Variants in OTULIN observed in about 807,000 individuals in gnomAD.
OTULIN encodes ubiquitin thioesterase otulin.
A neutral mutation model predicts 39.6 loss-of-function variants in OTULIN; 15 were observed. The ratio of observed to expected loss-of-function variants is 0.38; its 90% confidence interval spans 0.25 to 0.58. OTULIN has a LOEUF of 0.58. Among genes scored for constraint, OTULIN ranks in the 20% least tolerant of loss-of-function variants. The probability of loss-of-function intolerance (pLI) is 0.66; values close to 1 mark genes in which losing one functional copy is unlikely to be tolerated. For missense variants in OTULIN, 319 were observed against 445.9 expected (o/e 0.72, Z 2.56); for synonymous variants, 156 against 170.3 (o/e 0.92, Z 0.65).
intron 4 of OTULIN, among the ~76,000 whole-genome samples, chr5:14,685,090 A>AG (rs1249425381): frequency 6.6e-6 from 1 of 152,192 alleles, no homozygotes; most frequent in Non-Finnish European, 1.5e-5. Context: ...GTTCCTGAGG[A>AG]GGGTACCCTT....
intron 6 of OTULIN, 132 bp from the exon 7 acceptor site, chr5:14,692,722 G>C: frequency 1.6e-6 from 1 of 644,424 alleles, no homozygotes; most frequent in Middle Eastern, 2.7e-4. Flanking sequence ...TTGGGGCTGG[G>C]CCCAAAGCAG....
rs1736750760 is a variant in OTULIN at position 14,699,399 on chromosome 5, C to T, written c.*6351C>T. The T allele has an allele frequency of 6.6e-6, 1 of 152,194 alleles. No individual in the cohort carries two copies. The highest frequency in any genetic ancestry group is 1.5e-5 in the Non-Finnish European group (1 of 68,064). 9.4% of individuals were successfully genotyped at this position (152,194 alleles called of 1,614,324 possible). A position where few individuals can be genotyped will look rare whatever the true frequency, so the allele number is the denominator to read the frequency against. On this transcript the variant is annotated 3_prime_UTR_variant, in exon 7 of 7. Transcript: ENST00000284274. ...TTCTGAAGAACCCAGTGGGTAGGTA[C>T]TGGGCATCCATTAGACGGCAGTGCT... is the stretch of plus-strand genomic sequence containing the variant.
chr5:14,665,881 G>C (rs1036950507), intron 1 of OTULIN, among the ~76,000 whole-genome samples: 2 of 152,192 alleles, frequency 1.3e-5, no homozygotes, highest in Admixed American at 6.5e-5. Flanking sequence ...CATTTGTTGA[G>C]AGCCCCCTTG....
At chr5:14,713,450 TG>T in the OTULIN span, 1 of 1,533,780 alleles carries the variant, frequency 6.5e-7, no homozygotes, top group African/African-American at 1.4e-5. The surrounding 1 kb of genome is among the most constrained non-coding windows in gnomAD (Gnocchi z 4.4). Flanking sequence ...TAGACGTGCC[TG>T]GGGATTTCCC....
downstream of OTULIN, among the ~76,000 whole-genome samples, chr5:14,701,409 AC>A (rs957867325): frequency 2.9e-4 from 44 of 151,646 alleles, no homozygotes; most frequent in African/African-American, 1.1e-3. Flanking sequence ...AGACTTTTGG[AC>A]CCCCTGCCCT....
In OTULIN at chr5:14,681,688, C is replaced by T. The variant is rs10214386; in HGVS notation, c.468+81C>T. ...AACTTTCCCTTTCTGTCCATGCTAC[C>T]TTCTAGTATCGTCTGCAGTATGATG... On this transcript the variant is annotated intron_variant, in intron 4 of 6. Coordinates refer to ENST00000284274, the MANE Select transcript of OTULIN (RefSeq NM_138348.6). 3.6e-3 allele frequency: 5,182 copies of T among 1,442,824 alleles called. 151 individuals are homozygous for T. The African/African-American group carries it at 0.066, about 18-fold the overall frequency. 89.4% of individuals were successfully genotyped at this position (1,442,824 alleles called of 1,614,324 possible).
At chr5:14,671,643 T>A (rs1735980049) in intron 1 of OTULIN, among the ~76,000 whole-genome samples, 1 of 152,218 alleles carries the variant, frequency 6.6e-6, no homozygotes, top group African/African-American at 2.4e-5. Context: ...GCTCTAAGGA[T>A]GACATCACAC....
chr5:14,670,487 C>G (rs1228398433), intron 1 of OTULIN, among the ~76,000 whole-genome samples: 1 of 152,152 alleles, frequency 6.6e-6, no homozygotes, highest in Non-Finnish European at 1.5e-5. Flanking sequence ...GCTTATCTTT[C>G]TATTAGACGG....
rs932228881 is a variant in OTULIN, at chr5:14,694,855, T to C, written c.*1807T>C. The C allele has an allele frequency of 3.9e-5, 6 of 152,664 alleles. No individual in the cohort carries two copies. The highest frequency in any genetic ancestry group is 7.3e-5 in the Non-Finnish European group (5 of 68,044). 9.5% of individuals were successfully genotyped at this position (152,664 alleles called of 1,614,324 possible). The stretch of plus-strand genomic sequence containing the variant: ...AATAATGACTTCTTATTGGCTTTGA[T>C]TTTTCATTGCAGTATATGGGATTGT... On this transcript the variant is annotated 3_prime_UTR_variant, in exon 7 of 7. Transcript: ENST00000284274.
chr5:14,698,640 G>A lies in OTULIN; in HGVS notation c.*5592G>A, dbSNP rs926728779. Reference sequence around the variant, plus strand: ...GCTCTGTTGCTGTGGTCAAATGCTTGCCTTTGAGGACTTTGGCAGATTGTG... The same window carrying A: ...GCTCTGTTGCTGTGGTCAAATGCTTACCTTTGAGGACTTTGGCAGATTGTG... On this transcript the variant is annotated 3_prime_UTR_variant, in exon 7 of 7. Coordinates refer to ENST00000284274, the MANE Select transcript of OTULIN (RefSeq NM_138348.6). 1.3e-5 allele frequency: 2 copies of A among 152,182 alleles called. No homozygotes were observed. The highest frequency in any genetic ancestry group is 2.4e-5 in the African/African-American group (1 of 41,446). The allele number at this position is 152,182 out of a possible 1,614,324, so 9.4% of individuals were successfully genotyped here. A position where few individuals can be genotyped will look rare whatever the true frequency, so the allele number is the denominator to read the frequency against.
chr5:14,708,753 C>G, the OTULIN span: 1 of 152,214 alleles, frequency 6.6e-6, no homozygotes, highest in African/African-American at 2.4e-5. Context: ...CTGAGTGTGG[C>G]ATTGCTTCCT....
At chr5:14,703,816 A>T (rs538020033), downstream of OTULIN, among the ~76,000 whole-genome samples, 1 of 152,290 alleles carries the variant, frequency 6.6e-6, no homozygotes, top group East Asian at 1.9e-4. Context: ...GGTTGGTGTT[A>T]GAGGTAGTAA....
Position 14,664,918 on chromosome 5 carries a change from C to T in OTULIN, c.93C>T (p.Asp31=). 8 of 1,177,630 alleles carry T rather than the reference C, an allele frequency of 6.8e-6. No individual in the cohort carries two copies. The highest frequency in any genetic ancestry group is 7.3e-6 in the Non-Finnish European group (7 of 953,886). 72.9% of individuals were successfully genotyped at this position (1,177,630 alleles called of 1,614,324 possible). A position where few individuals can be genotyped will look rare whatever the true frequency, so the allele number is the denominator to read the frequency against. The change falls in exon 1 of 7, where the codon GAC becomes GAT. Residue 31 remains aspartate (D), a synonymous_variant. Transcript: ENST00000284274. ...PAREAAATAR[D]GGKAAASGQP... is the part of the protein sequence containing the mutation. ...GGGAGGCGGCGGCCACGGCGCGGGA[C>T]GGCGGGAAGGCGGCGGCCAGCGGGC... is the stretch of plus-strand genomic sequence containing the variant.
At chr5:14,691,220 A>G (rs1014096650) in intron 6 of OTULIN, among the ~76,000 whole-genome samples, 59 of 152,194 alleles carry the variant, frequency 3.9e-4, no homozygotes, top group African/African-American at 1.1e-3. Flanking sequence ...CTGTTCATCA[A>G]AGTGCCACCC....
intron 2 of OTULIN, among the ~76,000 whole-genome samples, chr5:14,675,565 G>A (rs1736084658): frequency 6.6e-6 from 1 of 152,190 alleles, no homozygotes; most frequent in Non-Finnish European, 1.5e-5. Context: ...TAAGAAGAAA[G>A]TGTGTATTCA....
At chr5:14,704,329 C>CAAAAAAAAA (rs1194771023), downstream of OTULIN, among the ~76,000 whole-genome samples, 1 of 65,518 alleles carries the variant, frequency 1.5e-5, no homozygotes, top group African/African-American at 6.7e-5. Flanking sequence ...GACTCCGTCT[C>CAAAAAAAAA]AAAAAAAAAA....
At chr5:14,681,250 G>A (rs1736241974) in intron 3 of OTULIN, among the ~76,000 whole-genome samples, 1 of 148,180 alleles carries the variant, frequency 6.7e-6, no homozygotes, top group Non-Finnish European at 1.5e-5. Flanking sequence ...TTTTTTAAAA[G>A]AGTTTAGGGT....
At position 14,698,813 on chromosome 5, in the gene OTULIN, G is replaced by A. The variant is rs1218312090; in HGVS notation, c.*5765G>A. ...GCAGTGTGGAAGAGTTAGATGAGATGAAGCAGTTAGCACAGTGCTTAACCC... is the reference window on the plus strand; with the variant it reads ...GCAGTGTGGAAGAGTTAGATGAGATAAAGCAGTTAGCACAGTGCTTAACCC... On this transcript the variant is annotated 3_prime_UTR_variant, in exon 7 of 7. Coordinates refer to ENST00000284274, the MANE Select transcript of OTULIN (RefSeq NM_138348.6). The A allele has an allele frequency of 6.6e-6, 1 of 152,236 alleles. No individual in the cohort carries two copies. Among genetic ancestry groups the A allele is most frequent in the Non-Finnish European group, 1.5e-5 (1 of 68,082 alleles). 9.4% of individuals were successfully genotyped at this position (152,236 alleles called of 1,614,324 possible). A position where few individuals can be genotyped will look rare whatever the true frequency, so the allele number is the denominator to read the frequency against.
At chr5:14,683,088 C>A (rs1399771293) in intron 4 of OTULIN, among the ~76,000 whole-genome samples, 1 of 152,102 alleles carries the variant, frequency 6.6e-6, no homozygotes, top group African/African-American at 2.4e-5. Flanking sequence ...GTTTAATACA[C>A]CAGCATAAAA....
Sources: gnomAD v4.1 joint callset for allele counts (sites outside exome capture counted in the v4.1 genomes callset) on GRCh38, gnomAD v4.1.1 for gene constraint, Gnocchi (gnomAD v3.1) non-coding constraint, MANE v1.5 for transcripts, NCBI Gene and HGNC (gene_info 2026-07-23, HGNC 2026-07-21) for gene names.